Variants in SCN3A observed in about 807,000 individuals in gnomAD.
The protein encoded by SCN3A is sodium channel protein type 3 subunit alpha.
SCN3A carries 60 observed loss-of-function variants against 187.6 expected under a neutral mutation model. That is an observed-to-expected ratio of 0.32 (90% CI 0.26 to 0.40). SCN3A has a LOEUF of 0.40. SCN3A is among the 10% of genes least tolerant of loss of function. The pLI, the probability that SCN3A is intolerant of heterozygous loss-of-function variation, is 1.00. For missense variants in SCN3A, 1,601 were observed against 2,428.2 expected, an observed-to-expected ratio of 0.66 and a Z score of 7.16; for synonymous variants, 788 against 829.2, an observed-to-expected ratio of 0.95 and a Z score of 0.85.
Position 165,176,456 on chromosome 2 carries a change from G to T in SCN3A, c.-50-12C>A, listed in dbSNP as rs2105925473. On this transcript the variant is annotated splice_polypyrimidine_tract_variant and intron_variant, in intron 2 of 27. Coordinates refer to ENST00000283254, the MANE Select transcript of SCN3A (RefSeq NM_006922.4). ...TGCATACGAATTACCTGCAATAAAA[G>T]AAAAATTGCACAAGAGTTAGGAAAG... is the stretch of plus-strand genomic sequence containing the variant. 6.2e-7 allele frequency: 1 copy of T among 1,602,974 alleles called. No homozygotes were observed. The highest frequency in any genetic ancestry group is 8.5e-7 in the Non-Finnish European group (1 of 1,171,932).
In SCN3A at chr2:165,178,725, AT is replaced by A. The variant is rs969014450; in HGVS notation, c.-50-2282del. Among the ~76,000 whole-genome samples the A allele has an allele frequency of 1.2e-3, 182 of 151,442 alleles. 1 individual carries two copies. The highest frequency in any genetic ancestry group is 4.1e-3 in the African/African-American group (171 of 41,292). On this transcript the variant is annotated intron_variant, in intron 2 of 27. Coordinates refer to ENST00000283254, the MANE Select transcript of SCN3A (RefSeq NM_006922.4). ...CTTCTGTTTTATAGTTGGGCAGCACATTTTTTTTTCTCCATCAGGTTGTATA... is the reference window on the plus strand; with the variant it reads ...CTTCTGTTTTATAGTTGGGCAGCACATTTTTTTTCTCCATCAGGTTGTATA...
At chr2:165,133,677 A>G (rs1574177622) in intron 15 of SCN3A, among the ~76,000 whole-genome samples, 1 of 149,492 alleles carries the variant, frequency 6.7e-6, no homozygotes, top group Non-Finnish European at 1.5e-5. Context: ...CCTCTAGGAG[A>G]GTATTTTATT....
chr2:165,188,341 G>A (rs1006627766), intron 1 of SCN3A, among the ~76,000 whole-genome samples: 5 of 152,066 alleles, frequency 3.3e-5, no homozygotes, highest in Admixed American at 1.3e-4. Flanking sequence ...ATTCCTGCAT[G>A]TGGATTAATA....
chr2:165,180,887 T>C (rs544127995), intron 2 of SCN3A, among the ~76,000 whole-genome samples: 2 of 152,290 alleles, frequency 1.3e-5, no homozygotes, highest in Non-Finnish European at 2.9e-5. Flanking sequence ...CTTTACACTC[T>C]TAAAATCATT....
rs776782913 is a variant in SCN3A at position 165,146,860 on chromosome 2, T to C, written c.1550A>G (p.Lys517Arg). ...TTTGGGAAAGCTGTCTCTCTCTCCT[T>C]TGTTGTTTCCTTCAAGGTGCTCTCT... ...RQREHLEGNN[K>R]GERDSFPKSE... Residue 517 changes from lysine to arginine, a missense_variant, in exon 12 of 28, where the codon AAA becomes AGA. By Grantham distance (26) the Lys-to-Arg change is conservative (BLOSUM62 2). Transcript: ENST00000283254. The C allele has an allele frequency of 6.2e-6, 10 of 1,614,096 alleles. No homozygotes were observed. The highest frequency in any genetic ancestry group is 3.3e-4 in the Middle Eastern group (2 of 6,062).
chr2:165,137,812 A>G, intron 15 of SCN3A, 67 bp downstream of exon 15: 1 of 1,227,046 alleles, frequency 8.1e-7, no homozygotes, highest in Non-Finnish European at 1.2e-6. Flanking sequence ...GCACAAATAC[A>G]TCTTTCCCTT....
intron 2 of SCN3A, 74 bp from the exon 3 acceptor site, chr2:165,176,518 A>T (rs1690479796): frequency 1.7e-6 from 2 of 1,144,164 alleles, no homozygotes; most frequent in Non-Finnish European, 1.3e-6. Flanking sequence ...CCAAAATGTC[A>T]TTTTTTAGTA....
chr2:165,107,565 C>T lies in SCN3A; in HGVS notation c.3843+5320G>A, dbSNP rs73969184. Reference sequence around the variant, plus strand: ...CAAGGGTGCTAGATAAAATTCAAGGCAGGTGTCTGCATATTAGCAAGGCAC... The same window carrying T: ...CAAGGGTGCTAGATAAAATTCAAGGTAGGTGTCTGCATATTAGCAAGGCAC... On this transcript the variant is annotated intron_variant, in intron 21 of 27. Coordinates refer to ENST00000283254, the MANE Select transcript of SCN3A (RefSeq NM_006922.4). Among the ~76,000 whole-genome samples the T allele has an allele frequency of 5.4e-3, 818 of 152,344 alleles. 3 individuals carry two copies. The highest frequency in any genetic ancestry group is 0.019 in the African/African-American group (784 of 41,588).
At chr2:165,154,876 A>G (rs920077208) in intron 10 of SCN3A, among the ~76,000 whole-genome samples, 1 of 152,206 alleles carries the variant, frequency 6.6e-6, no homozygotes, top group African/African-American at 2.4e-5. Flanking sequence ...AATACATTTT[A>G]AACTCATATA....
intron 15 of SCN3A, among the ~76,000 whole-genome samples, chr2:165,133,074 A>G (rs1687445302): frequency 1.3e-5 from 2 of 152,344 alleles, no homozygotes; most frequent in African/African-American, 2.4e-5. Context: ...AATCAAAACC[A>G]CAATGAGATA....
chr2:165,100,441 AAATT>A lies in SCN3A; in HGVS notation c.3844-21_3844-18del. 2 of 1,612,122 alleles carry A rather than the reference AAATT, an allele frequency of 1.2e-6. No homozygotes were observed. Among genetic ancestry groups the A allele is most frequent in the Non-Finnish European group, 1.7e-6 (2 of 1,178,648 alleles). ...CAAAGAAACCTACAAAAGGAAAAAA[AAATT>A]AATTAGTTCACCAAGAAATAAACTG... On this transcript the variant is annotated intron_variant, in intron 21 of 27. Transcript: ENST00000283254.
rs558597116 is a variant in SCN3A at position 165,155,180 on chromosome 2, G to A, written c.1174-522C>T. ...GATTATCAACTTCTAAGAGTCATGA[G>A]CATCTCCAAGTTCCTAGCAGAATGC... is the stretch of plus-strand genomic sequence containing the variant. On this transcript the variant is annotated intron_variant, in intron 10 of 27. Coordinates refer to ENST00000283254, the MANE Select transcript of SCN3A (RefSeq NM_006922.4). Among the ~76,000 whole-genome samples the A allele has an allele frequency of 2.0e-5, 3 of 152,214 alleles. No individual in the cohort carries two copies. The East Asian group carries it at 5.8e-4, about 29-fold the overall frequency.
chr2:165,106,038 T>C lies in SCN3A; in HGVS notation c.3844-5614A>G, dbSNP rs1335463303. ...TGCTCACATGCTATATAAAAGCAAA[T>C]ACCGTGGTCATTGTGGTATTGTTTA... On this transcript the variant is annotated intron_variant, in intron 21 of 27. Transcript: ENST00000283254. Among the ~76,000 whole-genome samples the C allele has an allele frequency of 4.6e-5, 7 of 152,276 alleles. No homozygotes were observed. The South Asian group carries it at 8.3e-4, about 18-fold the overall frequency.
At chr2:165,117,813 C>T (rs796145811) in intron 18 of SCN3A, among the ~76,000 whole-genome samples, 12 of 152,122 alleles carry the variant, frequency 7.9e-5, no homozygotes, top group African/African-American at 2.6e-4. Context: ...AGTAATTATA[C>T]ATGTATACAC....
At chr2:165,153,961 A>C (rs1688852114) in intron 11 of SCN3A, among the ~76,000 whole-genome samples, 1 of 135,754 alleles carries the variant, frequency 7.4e-6, no homozygotes, top group African/African-American at 2.9e-5. Context: ...TACCTTCCTG[A>C]TATCCTGATG....
At chr2:165,196,088 C>A (rs1203192955) in intron 1 of SCN3A, among the ~76,000 whole-genome samples, 4 of 152,134 alleles carry the variant, frequency 2.6e-5, no homozygotes, top group African/African-American at 9.7e-5. Flanking sequence ...TTCATAAAAG[C>A]ATTCCTCCCC....
At chr2:165,118,451 T>C (rs777470121) in intron 18 of SCN3A, among the ~76,000 whole-genome samples, 2 of 152,220 alleles carry the variant, frequency 1.3e-5, no homozygotes, top group Non-Finnish European at 2.9e-5. Flanking sequence ...AGGACTCTTA[T>C]GAACCAAAGC....
At chr2:165,156,494 C>T (rs998542597) in intron 9 of SCN3A, among the ~76,000 whole-genome samples, 4 of 119,486 alleles carry the variant, frequency 3.3e-5, no homozygotes, top group African/African-American at 1.3e-4. Flanking sequence ...GCCTGGGTGA[C>T]AGAGCGAGAC....
In SCN3A at chr2:165,154,552, T is replaced by C. The variant is rs1688900784; in HGVS notation, c.1280A>G (p.Tyr427Cys). 2.5e-6 allele frequency: 4 copies of C among 1,613,978 alleles called. No individual in the cohort carries two copies. Among genetic ancestry groups the C allele is most frequent in the Non-Finnish European group, 3.4e-6 (4 of 1,180,030 alleles). The change falls in exon 11 of 28, where the codon TAT (tyrosine) becomes TGT (cysteine). Residue 427 changes from tyrosine to cysteine, a missense_variant. Tyr to Cys is a radical substitution (Grantham distance 194). Coordinates refer to ENST00000283254, the MANE Select transcript of SCN3A (RefSeq NM_006922.4). ...NLILAVVAMAYEEQNQATLEE... is the reference protein window; with the variant it reads ...NLILAVVAMACEEQNQATLEE... ...CAAGGTGGCCTGATTCTGCTCCTCA[T>C]AGGCCATGGCCACCACAGCCAGGAT...
Sources: allele counts gnomAD v4.1 joint callset (sites outside exome capture counted in the v4.1 genomes callset), GRCh38; gene constraint gnomAD v4.1.1; transcripts MANE v1.5; gene names NCBI Gene and HGNC (gene_info 2026-07-23, HGNC 2026-07-21).